SORBS2: variants seen among roughly 807,000 people sequenced by gnomAD.
SORBS2 encodes the protein sorbin and SH3 domain containing 2, also known as sorbin and SH3 domain-containing protein 2.
In SORBS2, 46 loss-of-function variants were observed where a neutral mutation model predicts 97.7. That is an observed-to-expected ratio of 0.47 (90% CI 0.37 to 0.60). The LOEUF (loss-of-function observed/expected upper bound fraction) is 0.60. Among genes scored for constraint, SORBS2 ranks in the 20% least tolerant of loss-of-function variants. SORBS2 has a pLI of 0.00. For missense variants in SORBS2, 1,316 were observed against 1,282.3 expected, an observed-to-expected ratio of 1.03 and a Z score of -0.40; for synonymous variants, 476 against 473.4, an observed-to-expected ratio of 1.01 and a Z score of -0.07.
intron 4 of SORBS2, among the ~76,000 whole-genome samples, chr4:185,673,382 T>G (rs1050427521): frequency 6.6e-6 from 1 of 152,150 alleles, no homozygotes; most frequent in African/African-American, 2.4e-5. Context: ...CTACCTTTTT[T>G]AAAAAGCCTT....
At chr4:185,687,763 G>A (rs1400426791) in intron 2 of SORBS2, among the ~76,000 whole-genome samples, 1 of 152,138 alleles carries the variant, frequency 6.6e-6, no homozygotes, top group Non-Finnish European at 1.5e-5. Flanking sequence ...TTAATAAAGG[G>A]CTGAATTCTA....
intron 1 of SORBS2, among the ~76,000 whole-genome samples, chr4:185,842,535 C>T (rs1192114432): frequency 6.6e-6 from 1 of 152,144 alleles, no homozygotes; most frequent in East Asian, 1.9e-4. Flanking sequence ...AAAAGGTACA[C>T]TGGGGCTAAG....
At position 185,751,190 on chromosome 4, in the gene SORBS2, A is replaced by AAAAAAAAAAAAAAAAAAAAAAAAAG; in HGVS notation, c.-198+24036_-198+24037insCTTTTTTTTTTTTTTTTTTTTTTTT. On this transcript the variant is annotated intron_variant, in intron 2 of 20. Coordinates refer to the SORBS2 transcript ENST00000284776. ...TAAATACTAAAAAAAAAAAAAAAAA[A>AAAAAAAAAAAAAAAAAAAAAAAAAG]AGAGAAAGAGAGAGAAATTCAGGAA... Among the ~76,000 whole-genome samples, 499 of 86,356 alleles carry AAAAAAAAAAAAAAAAAAAAAAAAAG rather than the reference A, an allele frequency of 5.8e-3. 128 individuals carry two copies. The highest frequency in any genetic ancestry group is 8.5e-3 in the Non-Finnish European group (336 of 39,596). 56.7% of individuals were successfully genotyped at this position (86,356 alleles called of 152,430 possible).
chr4:185,691,968 C>A (rs1041194086), intron 2 of SORBS2, among the ~76,000 whole-genome samples: 1 of 152,202 alleles, frequency 6.6e-6, no homozygotes, highest in African/African-American at 2.4e-5. Flanking sequence ...AGGATGGCTA[C>A]GATCTCCTGA....
intron 1 of SORBS2, among the ~76,000 whole-genome samples, chr4:185,820,271 C>A (rs924862942): frequency 6.6e-6 from 1 of 152,320 alleles, no homozygotes; most frequent in Admixed American, 6.5e-5. Context: ...CGCAGGCTCC[C>A]TGCAACCTCA....
At chr4:185,742,098 G>T (rs1329801496) in intron 2 of SORBS2, among the ~76,000 whole-genome samples, 3 of 152,174 alleles carry the variant, frequency 2.0e-5, no homozygotes, top group Non-Finnish European at 4.4e-5. Context: ...TGTTTTCTCT[G>T]CTAATTCTGA....
At chr4:185,873,226 C>T (rs1361253514) in intron 1 of SORBS2, among the ~76,000 whole-genome samples, 1 of 152,152 alleles carries the variant, frequency 6.6e-6, no homozygotes, top group Non-Finnish European at 1.5e-5. Context: ...TTAAACTGTT[C>T]TTGAATCTTT....
At chr4:185,797,762 C>T (rs901937568) in intron 1 of SORBS2, among the ~76,000 whole-genome samples, 2 of 152,064 alleles carry the variant, frequency 1.3e-5, no homozygotes, top group African/African-American at 4.8e-5. Flanking sequence ...CAAAGCTCTT[C>T]CATGCCCCCA....
At chr4:185,735,477 G>C (rs904362199) in intron 2 of SORBS2, among the ~76,000 whole-genome samples, 1 of 149,798 alleles carries the variant, frequency 6.7e-6, no homozygotes, top group African/African-American at 2.5e-5. Flanking sequence ...TGAAAACAAA[G>C]GGAAAAAAGG....
intron 1 of SORBS2, among the ~76,000 whole-genome samples, chr4:185,851,355 T>C (rs1247365920): frequency 6.6e-6 from 1 of 152,190 alleles, no homozygotes; most frequent in Non-Finnish European, 1.5e-5. Flanking sequence ...TTTAAAGTGG[T>C]TCCATATTCT....
intron 2 of SORBS2, among the ~76,000 whole-genome samples, chr4:185,715,952 GGAGA>G (rs762605634): frequency 6.6e-5 from 10 of 152,206 alleles, no homozygotes; most frequent in Admixed American, 1.3e-4. Flanking sequence ...TGTGACTGCT[GGAGA>G]GAGATTAGAA....
intron 2 of SORBS2, among the ~76,000 whole-genome samples, chr4:185,681,069 G>A (rs1417484403): frequency 6.6e-6 from 1 of 152,132 alleles, no homozygotes; most frequent in Admixed American, 6.6e-5. Flanking sequence ...TAAGAGAAAG[G>A]AGAAAATGGC....
At chr4:185,946,862 A>G (rs2099274767) in intron 1 of SORBS2, among the ~76,000 whole-genome samples, 1 of 152,272 alleles carries the variant, frequency 6.6e-6, no homozygotes, top group Admixed American at 6.5e-5. Flanking sequence ...ATGCAAAATG[A>G]TGACCTGTCA....
At chr4:185,692,398 A>G (rs1348025686) in intron 2 of SORBS2, among the ~76,000 whole-genome samples, 1 of 152,258 alleles carries the variant, frequency 6.6e-6, no homozygotes, top group Non-Finnish European at 1.5e-5. Flanking sequence ...CTGTCAAGAA[A>G]GACTTTTGAT....
At chr4:185,927,062 T>C (rs1280689402) in intron 1 of SORBS2, among the ~76,000 whole-genome samples, 2 of 150,946 alleles carry the variant, frequency 1.3e-5, no homozygotes, top group Admixed American at 1.3e-4. Context: ...ATATGAAATA[T>C]GATACCACAT....
In SORBS2 at chr4:185,745,333, C is replaced by T. The variant is rs940928516; in HGVS notation, c.-198+29894G>A. 8.5e-5 allele frequency among the ~76,000 whole-genome samples: 13 copies of T among 152,234 alleles called. No homozygotes were observed. The East Asian group carries it at 9.7e-4, about 11-fold the overall frequency. ...ACAAACTAGACCTCCCAGATTCTCCCGCAAGTAAGGAGAGATCAGGGACTG... is the reference window on the plus strand; with the variant it reads ...ACAAACTAGACCTCCCAGATTCTCCTGCAAGTAAGGAGAGATCAGGGACTG... On this transcript the variant is annotated intron_variant, in intron 2 of 20. Coordinates refer to the SORBS2 transcript ENST00000284776.
At chr4:185,672,789 G>A (rs892990750) in intron 4 of SORBS2, among the ~76,000 whole-genome samples, 11 of 152,156 alleles carry the variant, frequency 7.2e-5, no homozygotes, top group African/African-American at 2.4e-4. Context: ...TTATAATGGA[G>A]CACATATTTG....
chr4:185,876,636 G>C lies in SORBS2; in HGVS notation c.-338+79560C>G, dbSNP rs540893920. Among the ~76,000 whole-genome samples, 65 of 152,276 alleles carry C rather than the reference G, an allele frequency of 4.3e-4. No homozygotes were observed. The South Asian group carries it at 9.3e-3, about 22-fold the overall frequency. ...GTCTTTAAGAGAAAAGTTACCACTG[G>C]TGAGCTTTTGGATTTACCTCCATGT... On this transcript the variant is annotated intron_variant, in intron 1 of 20. Coordinates refer to the SORBS2 transcript ENST00000284776.
chr4:185,602,783 T>C (rs2096293274), intron 12 of SORBS2, among the ~76,000 whole-genome samples: 1 of 152,212 alleles, frequency 6.6e-6, no homozygotes, highest in Non-Finnish European at 1.5e-5. Context: ...AGAATTAAAC[T>C]ATAATGGCCT....
Sources: allele counts gnomAD v4.1 joint callset (sites outside exome capture counted in the v4.1 genomes callset), GRCh38; gene constraint gnomAD v4.1.1; transcripts MANE v1.5; gene names NCBI Gene and HGNC (gene_info 2026-07-23, HGNC 2026-07-21).